Variants in USP22 observed in about 807,000 individuals in gnomAD.
USP22 encodes the protein ubiquitin specific peptidase 22, also known as ubiquitin carboxyl-terminal hydrolase 22.
USP22 carries 22 observed loss-of-function variants against 68.1 expected under a neutral mutation model. The ratio of observed to expected loss-of-function variants is 0.32; its 90% confidence interval spans 0.23 to 0.46. The LOEUF (loss-of-function observed/expected upper bound fraction) is 0.46. Ranked by LOEUF, USP22 falls within the 20% of genes least tolerant of loss-of-function variation. The pLI is 1.00. For synonymous variants in USP22, 279 were observed against 274.2 expected (o/e 1.02, Z -0.17); for missense variants, 433 against 695.8 (o/e 0.62, Z 4.25).
In USP22 at chr17:21,042,753, C is replaced by A; in HGVS notation, c.83G>T (p.Ser28Ile). ...CTGCTTCCAGTTGTCCACCTTGAAG[C>A]TGCCCAGGTGCGAGCAGCCCGGCGG... Reference protein sequence around the residue: ...VAPPGCSHLGSFKVDNWKQNL... With the variant: ...VAPPGCSHLGIFKVDNWKQNL... Residue 28 changes from serine to isoleucine, a missense_variant, in exon 1 of 13, where the codon AGC becomes ATC. Around this residue, in one of 4 missense-constraint regions of USP22, gnomAD observed 110 missense variants for 89.9 expected, o/e 1.22. Transcript: ENST00000261497. 1 of 1,497,770 alleles carries A rather than the reference C, an allele frequency of 6.7e-7. No homozygotes were observed. The highest frequency in any genetic ancestry group is 8.9e-7 in the Non-Finnish European group (1 of 1,124,948). 92.8% of individuals were successfully genotyped at this position (1,497,770 alleles called of 1,614,324 possible).
At chr17:21,013,217 G>C (rs1446374667) in intron 6 of USP22, among the ~76,000 whole-genome samples, 1 of 152,198 alleles carries the variant, frequency 6.6e-6, no homozygotes, top group Non-Finnish European at 1.5e-5. Context: ...TGACTGAGCA[G>C]AATAATCGAT....
intron 2 of USP22, 74 bp downstream of exon 2, chr17:21,028,468 A>C (rs1972249305): frequency 1.3e-6 from 2 of 1,581,044 alleles, no homozygotes; most frequent in Admixed American, 3.5e-5. Context: ...GAAGAGTGGA[A>C]CTGCAAATCA....
intron 10 of USP22, among the ~76,000 whole-genome samples, chr17:21,005,972 T>C (rs1461841877): frequency 6.6e-6 from 1 of 152,118 alleles, no homozygotes; most frequent in Non-Finnish European, 1.5e-5. Context: ...GAGCTGGCCA[T>C]GTGACCCGGA....
At chr17:21,004,469 C>T (rs985136493) in intron 11 of USP22, 118 bp from the exon 12 acceptor site, 3 of 1,273,908 alleles carry the variant, frequency 2.4e-6, no homozygotes, top group East Asian at 4.8e-5. Flanking sequence ...GGCCTGTCAA[C>T]CCCCAGGGCC....
At chr17:21,040,602 G>A (rs552743798) in intron 1 of USP22, among the ~76,000 whole-genome samples, 2 of 149,558 alleles carry the variant, frequency 1.3e-5, no homozygotes, top group East Asian at 1.9e-4. Context: ...CATAAGTAGC[G>A]CAAAAAAAAA....
intron 10 of USP22, chr17:21,006,507 A>AT (rs33994457): frequency 0.63 from 87,035 of 138,920 alleles, 29,661 homozygotes; most frequent in Non-Finnish European, 0.77. Flanking sequence ...ATCGACAGTC[A>AT]TTTTTTTTTT....
At chr17:21,022,170 C>G (rs1436264409) in intron 2 of USP22, among the ~76,000 whole-genome samples, 4 of 152,056 alleles carry the variant, frequency 2.6e-5, no homozygotes, top group Non-Finnish European at 5.9e-5. Context: ...AGAAGAGATA[C>G]ATATGTATGT....
intron 7 of USP22, among the ~76,000 whole-genome samples, chr17:21,012,074 C>T (rs920360144): frequency 2.0e-5 from 3 of 152,034 alleles, no homozygotes; most frequent in South Asian, 2.1e-4. Context: ...CAGTCCATTT[C>T]GGGTTCTGAA....
At chr17:21,013,285 A>G (rs1272095349) in intron 6 of USP22, among the ~76,000 whole-genome samples, 4 of 152,236 alleles carry the variant, frequency 2.6e-5, no homozygotes, top group Non-Finnish European at 2.9e-5. Context: ...ACAGCTGAAC[A>G]TATGGTGGGC....
At position 21,000,607 on chromosome 17, in the gene USP22, A is replaced by G. The variant is rs1481193865; in HGVS notation, c.*2424T>C. The G allele has an allele frequency of 6.6e-6, 1 of 152,254 alleles. No homozygotes were observed. Among genetic ancestry groups the G allele is most frequent in the Non-Finnish European group, 1.5e-5 (1 of 68,084 alleles). 9.4% of individuals were successfully genotyped at this position (152,254 alleles called of 1,614,324 possible). On this transcript the variant is annotated 3_prime_UTR_variant, in exon 13 of 13. Transcript: ENST00000261497. ...GCGGGAGGGGAGGCAGGGTCTGGCC[A>G]AACCCAGGCAGCTGCCAGAAAGCCT...
chr17:21,040,491 C>T (rs189724594), intron 1 of USP22, among the ~76,000 whole-genome samples: 14 of 152,316 alleles, frequency 9.2e-5, no homozygotes, highest in Admixed American at 6.5e-4. Flanking sequence ...TTTTTCACTA[C>T]CCGACTACAG....
chr17:21,023,132 A>G (rs141250794), intron 2 of USP22, among the ~76,000 whole-genome samples: 18 of 152,296 alleles, frequency 1.2e-4, no homozygotes, highest in African/African-American at 4.3e-4. Flanking sequence ...AACCATTAGA[A>G]CACATGGACA....
At chr17:21,023,997 AT>A (rs1972190376) in intron 2 of USP22, among the ~76,000 whole-genome samples, 1 of 152,216 alleles carries the variant, frequency 6.6e-6, no homozygotes, top group African/African-American at 2.4e-5. Flanking sequence ...ATTGTGGTAA[AT>A]CTTTGAAGTC....
chr17:21,042,532 G>GGA, intron 1 of USP22, 133 bp downstream of exon 1: 1 of 857,622 alleles, frequency 1.2e-6, no homozygotes, highest in Non-Finnish European at 1.6e-6. Context: ...GAGGGCAGAA[G>GGA]GAGAGAGGAA....
Position 21,042,755 on chromosome 17 carries a change from GC to G in USP22, c.80del (p.Gly27AlafsTer79). ...GCTTCCAGTTGTCCACCTTGAAGCT[GC>G]CCAGGTGCGAGCAGCCCGGCGGCGC... ...AVAPPGCSHL[G>X]SFKVDNWKQN... On this transcript the variant is annotated frameshift_variant, in exon 1 of 13. Transcript: ENST00000261497. LOFTEE classifies it high-confidence loss of function. 2 of 1,498,832 alleles carry G rather than the reference GC, an allele frequency of 1.3e-6. No homozygotes were observed. The highest frequency in any genetic ancestry group is 8.9e-7 in the Non-Finnish European group (1 of 1,125,734). The allele number at this position is 1,498,832 out of a possible 1,614,324, so 92.8% of individuals were successfully genotyped here.
Position 20,999,834 on chromosome 17 carries a change from C to G in USP22, c.*3197G>C, listed in dbSNP as rs1407244544. ...AACAGCAATTTTACACAATGAAGAG[C>G]ATACACACCAAGCCAAAATACAATA... is the stretch of plus-strand genomic sequence containing the variant. On this transcript the variant is annotated 3_prime_UTR_variant, in exon 13 of 13. Transcript: ENST00000261497. 2 of 152,200 alleles carry G rather than the reference C, an allele frequency of 1.3e-5. No individual in the cohort carries two copies. The highest frequency in any genetic ancestry group is 2.9e-5 in the Non-Finnish European group (2 of 68,044). 9.4% of individuals were successfully genotyped at this position (152,200 alleles called of 1,614,324 possible). A position where few individuals can be genotyped will look rare whatever the true frequency, so the allele number is the denominator to read the frequency against.
intron 2 of USP22, among the ~76,000 whole-genome samples, chr17:21,023,556 G>C (rs1972183426): frequency 6.7e-6 from 1 of 149,528 alleles, no homozygotes; most frequent in Non-Finnish European, 1.5e-5. Context: ...TAGGTGGAAG[G>C]ATGGCTTGAG....
chr17:21,003,900 C>CAAA (rs545524182), intron 12 of USP22, among the ~76,000 whole-genome samples: 10 of 113,836 alleles, frequency 8.8e-5, no homozygotes, highest in Non-Finnish European at 1.2e-4. Flanking sequence ...AACTCCGTCT[C>CAAA]AAAAAAAAAA....
At chr17:21,007,802 AG>A in intron 9 of USP22, 67 bp downstream of exon 9, 1 of 1,583,490 alleles carries the variant, frequency 6.3e-7, no homozygotes, top group Non-Finnish European at 8.6e-7. Context: ...GCAAACCAAA[AG>A]GCTGAGGACC....
Sources: gnomAD v4.1 joint callset for allele counts (sites outside exome capture counted in the v4.1 genomes callset) on GRCh38, gnomAD v4.1.1 for gene constraint, gnomAD v4.1.1 regional missense constraint, MANE v1.5 for transcripts, NCBI Gene and HGNC (gene_info 2026-07-23, HGNC 2026-07-21) for gene names.